SLC39A10: variants seen among roughly 807,000 people sequenced by gnomAD.
SLC39A10 encodes the protein solute carrier family 39 member 10, also known as zinc transporter ZIP10.
SLC39A10 carries 13 observed loss-of-function variants against 65.1 expected under a neutral mutation model. The ratio of observed to expected loss-of-function variants is 0.20; its 90% CI spans 0.13 to 0.32. SLC39A10 has a LOEUF of 0.32. Ranked by LOEUF, SLC39A10 falls within the 10% of genes least tolerant of loss-of-function variation. SLC39A10 has a pLI of 1.00. For missense variants in SLC39A10, 831 were observed against 1,018.4 expected (o/e 0.82, Z 2.50); for synonymous variants, 321 against 342.2 (o/e 0.94, Z 0.68).
intron 1 of SLC39A10, among the ~76,000 whole-genome samples, chr2:195,671,334 G>T (rs1689849909): frequency 6.6e-6 from 1 of 152,152 alleles, no homozygotes; most frequent in South Asian, 2.1e-4. Flanking sequence ...GAAATCAACA[G>T]CAAAAGATGA....
At chr2:195,641,614 TTAGAC>T (rs987197178) in intron 2 of SLC39A10, among the ~76,000 whole-genome samples, 2 of 152,166 alleles carry the variant, frequency 1.3e-5, no homozygotes, top group African/African-American at 4.8e-5. Flanking sequence ...ACATGTCAAT[TTAGAC>T]TAGCCAGATT....
chr2:195,695,480 A>G (rs1299431636), intron 3 of SLC39A10, among the ~76,000 whole-genome samples: 2 of 152,098 alleles, frequency 1.3e-5, no homozygotes, highest in Non-Finnish European at 2.9e-5. Flanking sequence ...CACCGAGTCT[A>G]TTTCCAGGCA....
chr2:195,686,107 C>A (rs939301314), intron 3 of SLC39A10, among the ~76,000 whole-genome samples: 2 of 152,008 alleles, frequency 1.3e-5, no homozygotes, highest in African/African-American at 4.8e-5. Context: ...TTAAAATGAG[C>A]AAAATGATGT....
At chr2:195,641,685 CTTT>C (rs757617526) in intron 2 of SLC39A10, among the ~76,000 whole-genome samples, 5 of 128,098 alleles carry the variant, frequency 3.9e-5, no homozygotes, top group Admixed American at 8.6e-5. Flanking sequence ...TAGTATAGTT[CTTT>C]TTTTTTTTTT....
intron 2 of SLC39A10, among the ~76,000 whole-genome samples, chr2:195,623,200 T>G (rs1174130934): frequency 2.0e-5 from 3 of 152,058 alleles, no homozygotes; most frequent in African/African-American, 7.2e-5. Context: ...AAAGTAGAAT[T>G]TCAGATCCAT....
At chr2:195,648,312 T>C (rs1688965852) in intron 2 of SLC39A10, among the ~76,000 whole-genome samples, 1 of 152,178 alleles carries the variant, frequency 6.6e-6, no homozygotes, top group African/African-American at 2.4e-5. Context: ...TGGCTTCTTA[T>C]ATCAAGACTG....
chr2:195,693,734 CT>C (rs138536146), intron 3 of SLC39A10, among the ~76,000 whole-genome samples: 2,752 of 152,160 alleles, frequency 0.018, 76 homozygotes, highest in African/African-American at 0.062. Flanking sequence ...TTTTATTTAT[CT>C]TTTCAAAAAA....
intron 2 of SLC39A10, among the ~76,000 whole-genome samples, chr2:195,625,256 T>G (rs575881885): frequency 8.2e-6 from 1 of 122,120 alleles, no homozygotes; most frequent in African/African-American, 3.0e-5. Context: ...GATTTAAAAC[T>G]GTTGACAACT....
At chr2:195,622,890 T>A (rs1346823291) in intron 2 of SLC39A10, among the ~76,000 whole-genome samples, 1 of 147,626 alleles carries the variant, frequency 6.8e-6, no homozygotes, top group Non-Finnish European at 1.5e-5. Flanking sequence ...GAGAATTGCT[T>A]GAACCTGGGA....
chr2:195,692,861 C>T (rs1352060665), intron 3 of SLC39A10, among the ~76,000 whole-genome samples: 1 of 152,136 alleles, frequency 6.6e-6, no homozygotes, highest in Non-Finnish European at 1.5e-5. Context: ...ACTTCCAGTA[C>T]TATGATGAAT....
chr2:195,630,703 C>T (rs1688568257), intron 2 of SLC39A10, among the ~76,000 whole-genome samples: 1 of 152,146 alleles, frequency 6.6e-6, no homozygotes, highest in Admixed American at 6.6e-5. Flanking sequence ...ATCATAACAC[C>T]ACAGGCACCT....
intron 1 of SLC39A10, among the ~76,000 whole-genome samples, chr2:195,678,562 G>GT (rs61430237): frequency 0.019 from 2,437 of 127,948 alleles, 32 homozygotes; most frequent in African/African-American, 0.037. Flanking sequence ...TTTTAGTTAG[G>GT]TTTTTTTTTT....
upstream of SLC39A10, among the ~76,000 whole-genome samples, chr2:195,652,626 G>A (rs979922732): frequency 2.0e-5 from 3 of 150,298 alleles, no homozygotes; most frequent in Admixed American, 6.6e-5. Context: ...TTATGCCGAT[G>A]AAGCCTCCAC....
chr2:195,648,033 C>T (rs1037777670), intron 2 of SLC39A10, among the ~76,000 whole-genome samples: 2 of 152,170 alleles, frequency 1.3e-5, no homozygotes, highest in African/African-American at 4.8e-5. Context: ...CACTCTGTCA[C>T]CCAGGCTAGA....
intron 2 of SLC39A10, among the ~76,000 whole-genome samples, chr2:195,618,605 TTTTATGCAGCAAC>T (rs1390664466): frequency 6.6e-6 from 1 of 152,230 alleles, no homozygotes; most frequent in Non-Finnish European, 1.5e-5. Context: ...CAATATATTG[TTTTATGCAGCAAC>T]TTTCAATTAA....
chr2:195,675,530 G>A (rs141142754), intron 1 of SLC39A10, among the ~76,000 whole-genome samples: 97 of 152,312 alleles, frequency 6.4e-4, no homozygotes, highest in African/African-American at 2.3e-3. Flanking sequence ...GCGCTTCCCG[G>A]GTTCATGCCA....
intron 5 of SLC39A10, among the ~76,000 whole-genome samples, chr2:195,710,116 CTG>C (rs1328299727): frequency 1.3e-5 from 2 of 152,202 alleles, no homozygotes; most frequent in East Asian, 3.9e-4. Flanking sequence ...ATGCAGCTGT[CTG>C]TTTCACCTCA....
chr2:195,636,881 A>T (rs190605358), intron 2 of SLC39A10, among the ~76,000 whole-genome samples: 155 of 152,178 alleles, frequency 1.0e-3, no homozygotes, highest in African/African-American at 3.6e-3. Flanking sequence ...ATAAAAAATT[A>T]AAAAAAATAT....
chr2:195,667,637 A>C (rs1240999830), intron 1 of SLC39A10, among the ~76,000 whole-genome samples: 1 of 152,220 alleles, frequency 6.6e-6, no homozygotes, highest in East Asian at 1.9e-4. Context: ...ACCTTAGGTT[A>C]ATATATTTAA....
Sources: gnomAD v4.1 joint callset for allele counts (sites outside exome capture counted in the v4.1 genomes callset) on GRCh38, gnomAD v4.1.1 for gene constraint, MANE v1.5 for transcripts, NCBI Gene and HGNC (gene_info 2026-07-23, HGNC 2026-07-21) for gene names.